The following JMJD1C variants were observed in gnomAD, a reference collection of about 807,000 sequenced individuals.
JMJD1C encodes the protein jumonji domain-containing protein 1C.
Under a neutral mutation model 245.3 loss-of-function variants are expected in JMJD1C, and 31 were observed. That is an observed-to-expected ratio of 0.13 (90% CI 0.09 to 0.17). The LOEUF is 0.17. Ranked by LOEUF, JMJD1C falls within the 10% of genes least tolerant of loss-of-function variation. JMJD1C has a pLI of 1.00. For missense variants in JMJD1C, 2,691 were observed against 3,000.2 expected (o/e 0.90, Z 2.41); for synonymous variants, 1,057 against 1,017.4 (o/e 1.04, Z -0.74).
At chr10:63,464,331 C>T (rs1217801850) in intron 1 of JMJD1C, among the ~76,000 whole-genome samples, 1 of 151,904 alleles carries the variant, frequency 6.6e-6, no homozygotes, top group Non-Finnish European at 1.5e-5. Flanking sequence ...CCCGAGTTTA[C>T]AAAAACACAC....
At chr10:63,209,970 T>A (rs978020730) in intron 8 of JMJD1C, among the ~76,000 whole-genome samples, 12 of 152,216 alleles carry the variant, frequency 7.9e-5, no homozygotes, top group Admixed American at 6.5e-4. Context: ...AATTTGTTAA[T>A]AGGATGATAG....
At chr10:63,273,821 CAG>C (rs1856546525) in intron 2 of JMJD1C, among the ~76,000 whole-genome samples, 1 of 152,138 alleles carries the variant, frequency 6.6e-6, no homozygotes, top group East Asian at 1.9e-4. Context: ...AGAAGGTAAA[CAG>C]AGGCTAAAAG....
chr10:63,223,732 C>A (rs1848909914), intron 3 of JMJD1C, among the ~76,000 whole-genome samples: 1 of 151,790 alleles, frequency 6.6e-6, no homozygotes, highest in Non-Finnish European at 1.5e-5. Flanking sequence ...TCTATTTCTT[C>A]AACATTTATT....
intron 2 of JMJD1C, among the ~76,000 whole-genome samples, chr10:63,343,537 C>T (rs1161954282): frequency 6.6e-6 from 1 of 151,970 alleles, no homozygotes; most frequent in Non-Finnish European, 1.5e-5. Context: ...ATATATATAC[C>T]TTACATCGCT....
At chr10:63,509,962 T>G (rs1178656106) in intron 1 of JMJD1C, among the ~76,000 whole-genome samples, 1 of 152,072 alleles carries the variant, frequency 6.6e-6, no homozygotes, top group African/African-American at 2.4e-5. Context: ...TGATGTGTTC[T>G]TTTTCTGTTT....
rs1953220634 is a variant in JMJD1C at position 63,465,803 on chromosome 10, G to A, written c.-141C>T. On this transcript the variant is annotated 5_prime_UTR_variant, in exon 1 of 26. Coordinates refer to ENST00000399262, the MANE Select transcript of JMJD1C (RefSeq NM_032776.3). ...AAAGAGCGCAGACTCGGGACGAACCGGCCGCTCTGCCCCGGACACAGCGAC... is the reference window on the plus strand; with the variant it reads ...AAAGAGCGCAGACTCGGGACGAACCAGCCGCTCTGCCCCGGACACAGCGAC... 2.0e-6 allele frequency: 2 copies of A among 991,214 alleles called. No homozygotes were observed. Among genetic ancestry groups the A allele is most frequent in the African/African-American group, 1.6e-5 (1 of 63,238 alleles). 61.4% of individuals were successfully genotyped at this position (991,214 alleles called of 1,614,324 possible).
chr10:63,181,872 T>C (rs867524139), intron 22 of JMJD1C, among the ~76,000 whole-genome samples: 1 of 152,218 alleles, frequency 6.6e-6, no homozygotes, highest in African/African-American at 2.4e-5. Flanking sequence ...TAATCTGAAC[T>C]ACAGGTCACA....
In JMJD1C at chr10:63,223,023, TTAAAG is replaced by T. The variant is rs58137992; in HGVS notation, c.448-3045_448-3041del. ...GCCAATACACTATATAACAATACTA[TTAAAG>T]TATTTTTTCCTGGAATATAATTGGT... is the stretch of plus-strand genomic sequence containing the variant. On this transcript the variant is annotated intron_variant, in intron 3 of 25. Coordinates refer to ENST00000399262, the MANE Select transcript of JMJD1C (RefSeq NM_032776.3). 1.9e-3 allele frequency: 2,541 copies of T among 1,320,660 alleles called. 24 individuals carry two copies. The African/African-American group carries it at 0.03, about 16-fold the overall frequency. 81.8% of individuals were successfully genotyped at this position (1,320,660 alleles called of 1,614,324 possible).
chr10:63,185,435 T>C (rs1008459444), intron 20 of JMJD1C, 128 bp downstream of exon 20: 7 of 685,846 alleles, frequency 1.0e-5, no homozygotes, highest in Non-Finnish European at 1.6e-5. Context: ...ACGCTCAGCC[T>C]CAAGTTATTT....
At chr10:63,209,501 G>C (rs1481702046) in intron 8 of JMJD1C, among the ~76,000 whole-genome samples, 1 of 152,018 alleles carries the variant, frequency 6.6e-6, no homozygotes, top group Non-Finnish European at 1.5e-5. Context: ...CTTGAAATCA[G>C]TGCCTTAAAT....
At chr10:63,213,444 G>A in intron 8 of JMJD1C, 29 bp downstream of exon 8, 1 of 1,301,906 alleles carries the variant, frequency 7.7e-7, no homozygotes, top group Non-Finnish European at 1.1e-6. Flanking sequence ...AATATATACT[G>A]CTATGTGGCA....
chr10:63,172,324 G>C (rs1408444625), intron 24 of JMJD1C, among the ~76,000 whole-genome samples: 1 of 152,186 alleles, frequency 6.6e-6, no homozygotes, highest in Non-Finnish European at 1.5e-5. Flanking sequence ...GAAGTAGCCA[G>C]AGAAAGCACA....
At chr10:63,298,222 G>T (rs138303067) in intron 2 of JMJD1C, among the ~76,000 whole-genome samples, 6 of 152,308 alleles carry the variant, frequency 3.9e-5, no homozygotes, top group Admixed American at 3.9e-4. Context: ...CAGGCCAGTA[G>T]TGTGAGCCGA....
At chr10:63,233,750 C>T (rs564612663) in intron 3 of JMJD1C, among the ~76,000 whole-genome samples, 2,649 of 59,438 alleles carry the variant, frequency 0.045, 46 homozygotes, top group Non-Finnish European at 0.057. Context: ...TATCCACACA[C>T]GCGCGTGCAC....
chr10:63,442,541 G>A (rs1951452811), intron 1 of JMJD1C, among the ~76,000 whole-genome samples: 1 of 152,148 alleles, frequency 6.6e-6, no homozygotes, highest in African/African-American at 2.4e-5. Flanking sequence ...TAAAATAAAT[G>A]CATTATAATT....
chr10:63,375,541 T>TGC (rs1946669049), intron 2 of JMJD1C, among the ~76,000 whole-genome samples: 1 of 150,566 alleles, frequency 6.6e-6, no homozygotes, highest in South Asian at 2.1e-4. Flanking sequence ...TACACGTGTG[T>TGC]GTGTGTGTGT....
At chr10:63,308,015 A>C (rs989851682) in intron 2 of JMJD1C, among the ~76,000 whole-genome samples, 27 of 152,070 alleles carry the variant, frequency 1.8e-4, no homozygotes, top group African/African-American at 3.9e-4. Context: ...TTAGCTGGGC[A>C]TGGTGGCAGA....
intron 2 of JMJD1C, among the ~76,000 whole-genome samples, chr10:63,323,993 A>T (rs1275377385): frequency 1.3e-5 from 2 of 151,538 alleles, no homozygotes; most frequent in African/African-American, 4.9e-5. Context: ...AAAGCAGGAG[A>T]CAAGGATGTT....
intron 2 of JMJD1C, among the ~76,000 whole-genome samples, chr10:63,320,367 C>T (rs1832991353): frequency 6.6e-6 from 1 of 151,566 alleles, no homozygotes; most frequent in Non-Finnish European, 1.5e-5. Flanking sequence ...ATCTGTAATC[C>T]AGTATATTAT....
Sources: allele counts gnomAD v4.1 joint callset (sites outside exome capture counted in the v4.1 genomes callset), GRCh38; gene constraint gnomAD v4.1.1; transcripts MANE v1.5; gene names NCBI Gene and HGNC (gene_info 2026-07-23, HGNC 2026-07-21).